The following TMC1 variants were observed in gnomAD, a reference collection of about 807,000 sequenced individuals.
The protein encoded by TMC1 is transmembrane channel like 1.
A neutral mutation model predicts 105.8 loss-of-function variants in TMC1; 84 were observed. The ratio of observed to expected loss-of-function variants is 0.79; its 90% confidence interval spans 0.67 to 0.95. The LOEUF is 0.95. TMC1 is among the 40% of genes least tolerant of loss of function. The pLI is 0.00. For missense variants in TMC1, 817 were observed against 914.1 expected (o/e 0.89, Z 1.37); for synonymous variants, 315 against 311.5 (o/e 1.01, Z -0.12).
chr9:72,778,324 A>T (rs1828036647), intron 13 of TMC1, among the ~76,000 whole-genome samples: 1 of 152,152 alleles, frequency 6.6e-6, no homozygotes, highest in Non-Finnish European at 1.5e-5. Flanking sequence ...TGGAGGAAGG[A>T]TGTAGACTCT....
intron 8 of TMC1, among the ~76,000 whole-genome samples, chr9:72,732,361 G>A (rs977519516): frequency 1.4e-4 from 22 of 152,092 alleles, no homozygotes; most frequent in African/African-American, 5.1e-4. Flanking sequence ...TCAGGAGTTC[G>A]AAAACAGCCT....
chr9:72,570,257 G>GTC (rs901513549), intron 1 of TMC1, among the ~76,000 whole-genome samples: 21 of 129,414 alleles, frequency 1.6e-4, no homozygotes, highest in Non-Finnish European at 3.1e-4. Flanking sequence ...GTGTGTGTGT[G>GTC]TGTGTGTGGT....
intron 5 of TMC1, among the ~76,000 whole-genome samples, chr9:72,686,180 C>T (rs994345758): frequency 4.6e-5 from 7 of 152,184 alleles, no homozygotes; most frequent in African/African-American, 1.7e-4. Context: ...AACATTTTGA[C>T]AGACTTCCCC....
chr9:72,719,014 T>C (rs1826970363), intron 8 of TMC1, among the ~76,000 whole-genome samples: 1 of 152,152 alleles, frequency 6.6e-6, no homozygotes, highest in African/African-American at 2.4e-5. Context: ...CCAGCTCCCA[T>C]GCAACCCAAA....
intron 1 of TMC1, among the ~76,000 whole-genome samples, chr9:72,539,169 G>A (rs1385344052): frequency 6.6e-6 from 1 of 151,702 alleles, no homozygotes; most frequent in African/African-American, 2.4e-5. Flanking sequence ...GATCAATTGG[G>A]CTCAGGAGTT....
At chr9:72,793,643 C>G (rs1039041544) in intron 17 of TMC1, among the ~76,000 whole-genome samples, 2 of 152,224 alleles carry the variant, frequency 1.3e-5, no homozygotes, top group Admixed American at 6.5e-5. Context: ...TGGGATGGAG[C>G]TTCCAGAGGT....
intron 5 of TMC1, among the ~76,000 whole-genome samples, chr9:72,653,271 A>C (rs931965983): frequency 6.6e-6 from 1 of 152,200 alleles, no homozygotes; most frequent in Non-Finnish European, 1.5e-5. Flanking sequence ...AACCAGAGTC[A>C]GGCACATTGC....
intron 1 of TMC1, among the ~76,000 whole-genome samples, chr9:72,576,873 C>T (rs1309422361): frequency 6.6e-6 from 1 of 151,862 alleles, no homozygotes; most frequent in Non-Finnish European, 1.5e-5. Context: ...TCGTGATCCA[C>T]CCGCCTTGGC....
At chr9:72,600,698 A>G (rs1824794484) in intron 2 of TMC1, among the ~76,000 whole-genome samples, 1 of 151,742 alleles carries the variant, frequency 6.6e-6, no homozygotes, top group Non-Finnish European at 1.5e-5. Context: ...AATTAAAAAA[A>G]GAAAAAAATT....
intron 1 of TMC1, among the ~76,000 whole-genome samples, chr9:72,523,870 T>C (rs1823358725): frequency 6.6e-6 from 1 of 152,136 alleles, no homozygotes; most frequent in Non-Finnish European, 1.5e-5. Flanking sequence ...CAGCATATTA[T>C]ATTAAAAGAA....
intron 18 of TMC1, among the ~76,000 whole-genome samples, chr9:72,813,725 C>T (rs1828739698): frequency 6.6e-6 from 1 of 152,206 alleles, no homozygotes; most frequent in Admixed American, 6.5e-5. Flanking sequence ...CCATAGTATG[C>T]TGACCTTTGG....
At chr9:72,736,858 G>GCA (rs1827306934) in intron 8 of TMC1, among the ~76,000 whole-genome samples, 1 of 152,092 alleles carries the variant, frequency 6.6e-6, no homozygotes, top group Admixed American at 6.6e-5. Flanking sequence ...ATGGGGATAG[G>GCA]CACACAATAC....
chr9:72,658,007 T>C (rs1316853887), intron 5 of TMC1, among the ~76,000 whole-genome samples: 1 of 152,202 alleles, frequency 6.6e-6, no homozygotes, highest in Non-Finnish European at 1.5e-5. Flanking sequence ...TTCCCATCAA[T>C]GCAGATTCAT....
chr9:72,735,587 A>C (rs1827284819), intron 8 of TMC1, among the ~76,000 whole-genome samples: 1 of 152,204 alleles, frequency 6.6e-6, no homozygotes, highest in African/African-American at 2.4e-5. Context: ...ACAATGAAAT[A>C]TGTTTTCTGG....
At chr9:72,642,667 A>T (rs950727243) in intron 4 of TMC1, among the ~76,000 whole-genome samples, 10 of 152,236 alleles carry the variant, frequency 6.6e-5, no homozygotes, top group African/African-American at 2.2e-4. Flanking sequence ...TTTTAAAAAG[A>T]CTCAATATAG....
At chr9:72,526,927 C>T (rs377740570) in intron 1 of TMC1, among the ~76,000 whole-genome samples, 9 of 152,216 alleles carry the variant, frequency 5.9e-5, no homozygotes, top group South Asian at 2.1e-4. Flanking sequence ...ACACAACAGG[C>T]GCTGCCTGGG....
intron 8 of TMC1, among the ~76,000 whole-genome samples, chr9:72,722,878 C>G (rs1396440987): frequency 6.6e-6 from 1 of 152,050 alleles, no homozygotes. Context: ...ACAGTTAGAG[C>G]CAACTCACAA....
chr9:72,585,677 C>T (rs140516461), intron 2 of TMC1, among the ~76,000 whole-genome samples: 3 of 152,260 alleles, frequency 2.0e-5, no homozygotes, highest in South Asian at 2.1e-4. Context: ...GTATAATGTA[C>T]GGAGACTTCT....
intron 1 of TMC1, among the ~76,000 whole-genome samples, chr9:72,546,489 C>T (rs141282005): frequency 1.4e-4 from 22 of 152,254 alleles, no homozygotes; most frequent in African/African-American, 3.6e-4. Context: ...CTTCCGGTAA[C>T]GTCAGACCAG....
Sources: gnomAD v4.1 joint callset for allele counts (sites outside exome capture counted in the v4.1 genomes callset) on GRCh38, gnomAD v4.1.1 for gene constraint, MANE v1.5 for transcripts, NCBI Gene and HGNC (gene_info 2026-07-23, HGNC 2026-07-21) for gene names.